The following COP1 variants were observed in gnomAD, a reference collection of about 807,000 sequenced individuals.
COP1 encodes COP1 E3 ubiquitin ligase, also known as E3 ubiquitin-protein ligase COP1.
COP1 carries 24 observed loss-of-function variants against 101.3 expected under a neutral mutation model. The observed-to-expected ratio is 0.24, with a 90% CI of 0.17 to 0.33. The LOEUF (loss-of-function observed/expected upper bound fraction) is 0.33. Among genes scored for constraint, COP1 ranks in the 10% least tolerant of loss-of-function variants. COP1 has a pLI of 1.00. For synonymous variants in COP1, 347 were observed against 341.9 expected, an observed-to-expected ratio of 1.01 and a Z score of -0.17; for missense variants, 663 against 906.2, an observed-to-expected ratio of 0.73 and a Z score of 3.45.
At chr1:176,151,341 AG>A (rs1692443944) in intron 5 of COP1, among the ~76,000 whole-genome samples, 1 of 135,374 alleles carries the variant, frequency 7.4e-6, no homozygotes, top group South Asian at 2.7e-4. Context: ...GAAAGAAGGA[AG>A]GAAAGAAAGA....
intron 6 of COP1, among the ~76,000 whole-genome samples, chr1:176,143,666 G>A: frequency 6.6e-6 from 1 of 151,880 alleles, no homozygotes; most frequent in East Asian, 1.9e-4. Flanking sequence ...TTATATAAGG[G>A]GTGCAAGTAG....
chr1:176,030,017 T>C (rs752696054), intron 14 of COP1, among the ~76,000 whole-genome samples: 109 of 152,118 alleles, frequency 7.2e-4, no homozygotes, highest in Non-Finnish European at 1.2e-3. Context: ...ACTGGTATGA[T>C]CATAGCTCAC....
At chr1:175,972,908 C>T (rs1431732971) in intron 18 of COP1, among the ~76,000 whole-genome samples, 2 of 152,160 alleles carry the variant, frequency 1.3e-5, no homozygotes, top group East Asian at 1.9e-4. Flanking sequence ...TCTTGGCTCA[C>T]CACAACCTCC....
At chr1:176,187,119 AAAG>A (rs1698555548) in intron 1 of COP1, among the ~76,000 whole-genome samples, 1 of 152,202 alleles carries the variant, frequency 6.6e-6, no homozygotes, top group African/African-American at 2.4e-5. Context: ...CAAGAGAATC[AAAG>A]AAGGTCTCCA....
chr1:176,035,534 T>C (rs1238847152), intron 14 of COP1, among the ~76,000 whole-genome samples: 1 of 151,646 alleles, frequency 6.6e-6, no homozygotes, highest in African/African-American at 2.4e-5. Flanking sequence ...ATAGTGATAT[T>C]ATATATTAAC....
intron 14 of COP1, among the ~76,000 whole-genome samples, chr1:176,031,321 C>T (rs1028084112): frequency 6.6e-6 from 1 of 151,914 alleles, no homozygotes; most frequent in Non-Finnish European, 1.5e-5. Context: ...TTGGAGGAAG[C>T]GTAGAAGAAA....
chr1:175,994,226 A>C (rs55698238), intron 15 of COP1, among the ~76,000 whole-genome samples: 16,363 of 152,222 alleles, frequency 0.11, 959 homozygotes, highest in Middle Eastern at 0.16. Context: ...GCCTGCCCTA[A>C]AAGAGCTCCT....
At chr1:176,124,329 C>T (rs2149658343) in intron 8 of COP1, among the ~76,000 whole-genome samples, 1 of 152,090 alleles carries the variant, frequency 6.6e-6, no homozygotes, top group East Asian at 1.9e-4. Flanking sequence ...TATAGTCACC[C>T]TGTTATGCTA....
At chr1:176,200,120 T>G (rs1479073334) in intron 1 of COP1, among the ~76,000 whole-genome samples, 1 of 152,168 alleles carries the variant, frequency 6.6e-6, no homozygotes. Context: ...CCACATTTCC[T>G]CATCTACAAA....
chr1:176,002,196 C>G (rs954738975), intron 15 of COP1, among the ~76,000 whole-genome samples: 2 of 152,012 alleles, frequency 1.3e-5, no homozygotes, highest in Non-Finnish European at 2.9e-5. Context: ...CTCTCCTCAT[C>G]TTTTGGAAAT....
At chr1:176,163,961 G>T in intron 3 of COP1, 70 bp from the exon 4 acceptor site, 7 of 985,762 alleles carry the variant, frequency 7.1e-6, no homozygotes, top group East Asian at 2.6e-5. Flanking sequence ...GTAATTCTTC[G>T]GTTTAGATAG....
chr1:176,094,588 A>G (rs6678628), intron 9 of COP1, among the ~76,000 whole-genome samples: 59,882 of 151,350 alleles, frequency 0.4, 12,056 homozygotes, highest in Middle Eastern at 0.44. Context: ...CTAAAGAAAA[A>G]TGATCACATT....
intron 6 of COP1, among the ~76,000 whole-genome samples, chr1:176,144,664 C>T (rs977392522): frequency 6.6e-6 from 1 of 151,980 alleles, no homozygotes; most frequent in African/African-American, 2.4e-5. Context: ...GTATTTAATA[C>T]AAGGTGGTAT....
At chr1:176,056,468 C>T (rs560042031) in intron 11 of COP1, among the ~76,000 whole-genome samples, 22 of 152,168 alleles carry the variant, frequency 1.4e-4, no homozygotes, top group African/African-American at 5.1e-4. Flanking sequence ...TACAATTAGA[C>T]TTAAACTTCA....
Position 176,025,653 on chromosome 1 carries a change from G to C in COP1, c.1729+1919C>G, listed in dbSNP as rs1182831980. Among the ~76,000 whole-genome samples the C allele has an allele frequency of 2.0e-5, 3 of 152,240 alleles. No individual in the cohort carries two copies. The East Asian group carries it at 5.8e-4, about 29-fold the overall frequency. On this transcript the variant is annotated intron_variant, in intron 15 of 19. Transcript: ENST00000367669. ...CGCAGTGATCCCAGCACTTTGGGAA[G>C]CTGAGGTAGGCAGACTGCTTGAGCC... is the stretch of plus-strand genomic sequence containing the variant.
chr1:175,977,815 A>T (rs1369874373), intron 18 of COP1, among the ~76,000 whole-genome samples: 1 of 152,130 alleles, frequency 6.6e-6, no homozygotes, highest in African/African-American at 2.4e-5. Context: ...AATCCATTTT[A>T]TTCAATTTAG....
In COP1 at chr1:176,081,202, G is replaced by A. The variant is rs754002616; in HGVS notation, c.1227C>T (p.Ala409=). The change falls in exon 11 of 20, where the codon GCC becomes GCT. Residue 409 remains alanine (A), a synonymous_variant. Coordinates refer to ENST00000367669, the MANE Select transcript of COP1 (RefSeq NM_022457.7). Reference sequence around the variant, plus strand: ...AGAGATCACTAGCATATGACAATGTGGCTAAAGGTCGTACTGAATTATATC... The same window carrying A: ...AGAGATCACTAGCATATGACAATGTAGCTAAAGGTCGTACTGAATTATATC... The part of the protein sequence containing the change: ...FTRYNSVRPL[A]TLSYASDLYN... 1 of 1,610,834 alleles carries A rather than the reference G, an allele frequency of 6.2e-7. No individual in the cohort carries two copies. Among genetic ancestry groups the A allele is most frequent in the Non-Finnish European group, 8.5e-7 (1 of 1,177,974 alleles).
intron 11 of COP1, among the ~76,000 whole-genome samples, chr1:176,070,807 T>G (rs1258983737): frequency 6.6e-6 from 1 of 152,128 alleles, no homozygotes; most frequent in Non-Finnish European, 1.5e-5. Flanking sequence ...ACCACAGGCC[T>G]GGCTAATTTT....
chr1:175,978,588 TGAG>T (rs1200175327), intron 18 of COP1, among the ~76,000 whole-genome samples: 3 of 152,112 alleles, frequency 2.0e-5, no homozygotes, highest in Admixed American at 2.0e-4. Flanking sequence ...AGTGAGGCAC[TGAG>T]GAGGAGATGG....
Sources: gnomAD v4.1 joint callset for allele counts (sites outside exome capture counted in the v4.1 genomes callset) on GRCh38, gnomAD v4.1.1 for gene constraint, MANE v1.5 for transcripts, NCBI Gene and HGNC (gene_info 2026-07-23, HGNC 2026-07-21) for gene names.